The following GALNT13 variants were observed in gnomAD, a reference collection of about 807,000 sequenced individuals.
The protein encoded by GALNT13 is polypeptide N-acetylgalactosaminyltransferase 13, also known as UDP-GalNAc:polypeptide N-acetylgalactosaminyltransferase 13.
GALNT13 carries 28 observed loss-of-function variants against 64.2 expected under a neutral mutation model. The observed-to-expected ratio is 0.44, with a 90% CI of 0.32 to 0.60. The LOEUF is 0.60. Among genes scored for constraint, GALNT13 ranks in the 20% least tolerant of loss-of-function variants. The pLI, the probability that GALNT13 is intolerant of heterozygous loss-of-function variation, is 0.05. For missense variants in GALNT13, 577 were observed against 669.8 expected (o/e 0.86, Z 1.53); for synonymous variants, 214 against 224.6 (o/e 0.95, Z 0.42).
the GALNT13 span, among the ~76,000 whole-genome samples, chr2:153,347,387 C>T: frequency 3.0e-3 from 458 of 152,268 alleles, 17 homozygotes; most frequent in East Asian, 0.08. Context: ...GTGCACATGC[C>T]ATTGTCTTAT....
rs369263569 is a variant in GALNT13, at chr2:153,924,199, C to A, written c.-104-20195C>A. ...CATCCATTAGCTATTCTTCCTGATG[C>A]ACTCCCTCTTCCCACCCCCACCCTC... On this transcript the variant is annotated intron_variant, in intron 2 of 12. Coordinates refer to ENST00000392825, the MANE Select transcript of GALNT13 (RefSeq NM_052917.4). 2.6e-5 allele frequency among the ~76,000 whole-genome samples: 4 copies of A among 152,042 alleles called. No individual in the cohort carries two copies. In the East Asian group the frequency reaches 5.8e-4, roughly 22 times the overall value.
the GALNT13 span, among the ~76,000 whole-genome samples, chr2:153,826,194 G>T: frequency 6.6e-6 from 1 of 152,128 alleles, no homozygotes; most frequent in South Asian, 2.1e-4. Flanking sequence ...GAGTTCCAAG[G>T]TGGTGCAGGG....
chr2:153,670,010 A>G, the GALNT13 span, among the ~76,000 whole-genome samples: 1 of 152,136 alleles, frequency 6.6e-6, no homozygotes, highest in Non-Finnish European at 1.5e-5. Flanking sequence ...AGGTGGTTCT[A>G]TGCTCACAGA....
chr2:153,368,713 C>T, the GALNT13 span, among the ~76,000 whole-genome samples: 1 of 151,552 alleles, frequency 6.6e-6, no homozygotes, highest in Admixed American at 6.6e-5. Context: ...TAAACAAATC[C>T]ACAATTATAG....
At chr2:153,473,821 A>G in the GALNT13 span, among the ~76,000 whole-genome samples, 2 of 152,206 alleles carry the variant, frequency 1.3e-5, no homozygotes, top group African/African-American at 4.8e-5. Flanking sequence ...AAAATGCTTT[A>G]GGGAGAAAAA....
the GALNT13 span, among the ~76,000 whole-genome samples, chr2:153,145,709 A>C: frequency 3.9e-5 from 6 of 151,976 alleles, no homozygotes; most frequent in South Asian, 1.0e-3. Flanking sequence ...AATGTGTAAA[A>C]AGTTAAATGC....
chr2:154,134,171 A>G (rs954585467), intron 3 of GALNT13, among the ~76,000 whole-genome samples: 8 of 152,222 alleles, frequency 5.3e-5, no homozygotes, highest in Middle Eastern at 3.2e-3. Context: ...AACAACAACT[A>G]CATTAGTTCA....
chr2:154,244,782 C>A (rs192374880), intron 6 of GALNT13, among the ~76,000 whole-genome samples: 36 of 152,188 alleles, frequency 2.4e-4, no homozygotes, highest in African/African-American at 7.9e-4. Context: ...AATTTTCTAC[C>A]ATAGAAAGCT....
At chr2:153,358,211 A>T in the GALNT13 span, among the ~76,000 whole-genome samples, 2 of 152,220 alleles carry the variant, frequency 1.3e-5, no homozygotes, top group Non-Finnish European at 2.9e-5. Context: ...ATGCACTATG[A>T]TGAGATGTTT....
intron 4 of GALNT13, among the ~76,000 whole-genome samples, chr2:154,228,052 C>T (rs564609898): frequency 7.2e-5 from 11 of 152,170 alleles, no homozygotes; most frequent in African/African-American, 2.2e-4. Flanking sequence ...AAACAGTTTG[C>T]TGGCTGAAGA....
chr2:154,038,436 G>GA (rs1698789626), intron 3 of GALNT13, among the ~76,000 whole-genome samples: 1 of 151,996 alleles, frequency 6.6e-6, no homozygotes, highest in African/African-American at 2.4e-5. Context: ...CAATAGAACA[G>GA]AATAGAAAAC....
chr2:154,043,492 G>A (rs1699121943), intron 3 of GALNT13, among the ~76,000 whole-genome samples: 1 of 133,284 alleles, frequency 7.5e-6, no homozygotes, highest in Admixed American at 7.9e-5. Context: ...ATTGCAAATA[G>A]AAATAAGGTC....
the GALNT13 span, among the ~76,000 whole-genome samples, chr2:153,624,632 T>A: frequency 6.6e-6 from 1 of 151,936 alleles, no homozygotes; most frequent in Non-Finnish European, 1.5e-5. Flanking sequence ...TTACATATAG[T>A]GTAAGAGAAA....
chr2:154,110,352 G>GAGAGAGAGAGAGAGAGAGAGAC (rs1702900227), intron 3 of GALNT13, among the ~76,000 whole-genome samples: 1 of 88,410 alleles, frequency 1.1e-5, no homozygotes, highest in African/African-American at 5.1e-5. Context: ...GAGAGAGAGA[G>GAGAGAGAGAGAGAGAGAGAGAC]AGAGAGAGAG....
the GALNT13 span, among the ~76,000 whole-genome samples, chr2:153,195,833 T>C: frequency 3.3e-5 from 5 of 152,198 alleles, no homozygotes; most frequent in African/African-American, 4.8e-5. Flanking sequence ...AGGAGCTTTA[T>C]TGAGTGATAG....
rs115517982 is a variant in GALNT13 at position 154,432,641 on chromosome 2, G to A, written c.1396-5951G>A. Among the ~76,000 whole-genome samples the A allele has an allele frequency of 5.9e-3, 898 of 152,186 alleles. 7 individuals are homozygous for A. Among genetic ancestry groups the A allele is most frequent in the African/African-American group, 0.02 (845 of 41,516 alleles). Reference sequence around the variant, plus strand: ...TCATCTTTTTCCTCTTCTAGCTTCCGGTGTTTGCCAACAATCCTTGGTGTC... The same window carrying A: ...TCATCTTTTTCCTCTTCTAGCTTCCAGTGTTTGCCAACAATCCTTGGTGTC... On this transcript the variant is annotated intron_variant, in intron 11 of 12. Transcript: ENST00000392825.
chr2:154,089,239 G>C (rs576196690), intron 3 of GALNT13, among the ~76,000 whole-genome samples: 1 of 152,146 alleles, frequency 6.6e-6, no homozygotes, highest in Non-Finnish European at 1.5e-5. Flanking sequence ...TCCCTGCTCT[G>C]TAGTTGGCTC....
At chr2:153,411,000 G>A in the GALNT13 span, among the ~76,000 whole-genome samples, 32 of 151,908 alleles carry the variant, frequency 2.1e-4, 1 homozygote, top group Middle Eastern at 3.4e-3. Flanking sequence ...GAGTAGTTGG[G>A]ACTGCAGGCA....
the GALNT13 span, among the ~76,000 whole-genome samples, chr2:153,228,879 A>T: frequency 6.6e-6 from 1 of 151,444 alleles, no homozygotes; most frequent in Non-Finnish European, 1.5e-5. Flanking sequence ...CAAAAAAAAA[A>T]AAAAAAAAAA....
Sources: allele counts gnomAD v4.1 joint callset (sites outside exome capture counted in the v4.1 genomes callset), GRCh38; gene constraint gnomAD v4.1.1; transcripts MANE v1.5; gene names NCBI Gene and HGNC (gene_info 2026-07-23, HGNC 2026-07-21).